The following LMNTD1 variants were observed in gnomAD, a reference collection of about 807,000 sequenced individuals.
LMNTD1 encodes the protein lamin tail domain-containing protein 1.
Under a neutral mutation model 50.9 loss-of-function variants are expected in LMNTD1, and 35 were observed. The ratio of observed to expected loss-of-function variants is 0.69; its 90% confidence interval spans 0.53 to 0.91. The LOEUF is 0.91. Ranked by LOEUF, LMNTD1 falls within the 40% of genes least tolerant of loss-of-function variation. LMNTD1 has a pLI of 0.00. For synonymous variants in LMNTD1, 153 were observed against 161.9 expected, an observed-to-expected ratio of 0.94 and a Z score of 0.42; for missense variants, 470 against 475.5, an observed-to-expected ratio of 0.99 and a Z score of 0.11.
Position 25,505,742 on chromosome 12 carries a change from G to A in LMNTD1, c.1190-1942C>T, listed in dbSNP as rs74070506. On this transcript the variant is annotated intron_variant, in intron 8 of 9. Coordinates refer to ENST00000458174, the MANE Select transcript of LMNTD1 (RefSeq NM_001145728.2). ...TTTTCTACTCAGTCTGATGATAAGT[G>A]GTCCAATACAGTAATGAGTTTTTTC... Among the ~76,000 whole-genome samples the A allele has an allele frequency of 3.3e-3, 499 of 152,146 alleles. 6 individuals are homozygous for A. Among genetic ancestry groups the A allele is most frequent in the African/African-American group, 0.012 (480 of 41,544 alleles).
At chr12:25,532,990 T>C (rs1942327905) in intron 4 of LMNTD1, among the ~76,000 whole-genome samples, 1 of 152,166 alleles carries the variant, frequency 6.6e-6, no homozygotes, top group Non-Finnish European at 1.5e-5. Context: ...TTTGTTATTA[T>C]ACATATAACT....
At chr12:25,516,776 C>A (rs1940811232) in intron 8 of LMNTD1, among the ~76,000 whole-genome samples, 2 of 151,572 alleles carry the variant, frequency 1.3e-5, no homozygotes, top group Admixed American at 6.6e-5. Flanking sequence ...AGGCAACCTA[C>A]AAAATGGGAG....
chr12:25,497,835 AT>A (rs1939150088), intron 9 of LMNTD1: 1 of 152,038 alleles, frequency 6.6e-6, no homozygotes, highest in African/African-American at 2.4e-5. Flanking sequence ...CCCTTGGCAT[AT>A]TTTTAAAAAT....
At chr12:25,608,802 G>T (rs1946178456) in intron 1 of LMNTD1, among the ~76,000 whole-genome samples, 1 of 152,032 alleles carries the variant, frequency 6.6e-6, no homozygotes, top group South Asian at 2.1e-4. Flanking sequence ...ATGTGTCTTG[G>T]GGTTGCTCTT....
chr12:25,489,016 C>T (rs1938775211), intron 9 of LMNTD1, among the ~76,000 whole-genome samples: 1 of 152,148 alleles, frequency 6.6e-6, no homozygotes, highest in East Asian at 1.9e-4. Context: ...CTGGGAGAAC[C>T]ACTGCTCTCT....
chr12:25,496,060 AC>A (rs903188892), intron 9 of LMNTD1, among the ~76,000 whole-genome samples: 17 of 152,216 alleles, frequency 1.1e-4, no homozygotes, highest in African/African-American at 4.1e-4. Context: ...AATAAGGAAA[AC>A]CCTTTGAGCT....
rs1437852880 is a variant in LMNTD1, at chr12:25,488,561, C to G, written c.*23-12101G>C. ...AAATTTTTTTCAAAGTTTTCAACTTCTTTGCCTTTGGTTTGAATGTCCTCC... is the reference window on the plus strand; with the variant it reads ...AAATTTTTTTCAAAGTTTTCAACTTGTTTGCCTTTGGTTTGAATGTCCTCC... On this transcript the variant is annotated intron_variant, in intron 9 of 9. Coordinates refer to ENST00000458174, the MANE Select transcript of LMNTD1 (RefSeq NM_001145728.2). 2.4e-3 allele frequency among the ~76,000 whole-genome samples: 360 copies of G among 148,870 alleles called. 1 individual carries two copies. Among genetic ancestry groups the G allele is most frequent in the African/African-American group, 8.5e-3 (343 of 40,306 alleles).
At position 25,487,008 on chromosome 12, in the gene LMNTD1, A is replaced by G. The variant is rs369848187; in HGVS notation, c.*23-10548T>C. On this transcript the variant is annotated intron_variant, in intron 9 of 9. Transcript: ENST00000458174. ...ACTGTGGTCTGAGAGACAGTTTGTT[A>G]TAATTTCTGTTCTTTTACATTTGCT... Among the ~76,000 whole-genome samples, 4 of 151,434 alleles carry G rather than the reference A, an allele frequency of 2.6e-5. No homozygotes were observed. The South Asian group carries it at 8.5e-4, about 32-fold the overall frequency.
At chr12:25,579,959 C>T (rs80156656) in intron 1 of LMNTD1, among the ~76,000 whole-genome samples, 95 of 152,214 alleles carry the variant, frequency 6.2e-4, no homozygotes, top group African/African-American at 2.3e-3. Flanking sequence ...TTCTCTGATA[C>T]CCAGAGAAGA....
chr12:25,516,368 A>C (rs1678553), intron 8 of LMNTD1, among the ~76,000 whole-genome samples: 1 of 152,058 alleles, frequency 6.6e-6, no homozygotes, highest in Non-Finnish European at 1.5e-5. Flanking sequence ...TAATCAAGAT[A>C]AGTTGCCACC....
chr12:25,507,342 T>A (rs1939873050), intron 8 of LMNTD1, among the ~76,000 whole-genome samples: 2 of 152,232 alleles, frequency 1.3e-5, no homozygotes, highest in Admixed American at 1.3e-4. Context: ...CCTAATTATC[T>A]TAAAAAATGT....
chr12:25,514,473 C>T (rs1176458864), intron 8 of LMNTD1, among the ~76,000 whole-genome samples: 1 of 151,392 alleles, frequency 6.6e-6, no homozygotes, highest in Non-Finnish European at 1.5e-5. Flanking sequence ...AACTCATGGA[C>T]ATACAGAGTA....
In LMNTD1 at chr12:25,537,568, T is replaced by A. The variant is rs547862955; in HGVS notation, c.491+8806A>T. Among the ~76,000 whole-genome samples, 514 of 151,804 alleles carry A rather than the reference T, an allele frequency of 3.4e-3. 7 individuals are homozygous for A. The highest frequency in any genetic ancestry group is 0.012 in the African/African-American group (494 of 41,380). On this transcript the variant is annotated intron_variant, in intron 4 of 9. Transcript: ENST00000458174. ...TAAGGACATCCACACCAAAAACCCA[T>A]CTGTACATCACCATCATCAAAGACC...
intron 1 of LMNTD1, among the ~76,000 whole-genome samples, chr12:25,586,439 C>A (rs16929101): frequency 0.06 from 9,062 of 152,186 alleles, 447 homozygotes; most frequent in African/African-American, 0.13. Flanking sequence ...ATTGGTCTTC[C>A]TCACTTCCAA....
At chr12:25,612,774 T>C (rs1051552846) in intron 1 of LMNTD1, among the ~76,000 whole-genome samples, 1 of 152,152 alleles carries the variant, frequency 6.6e-6, no homozygotes, top group Non-Finnish European at 1.5e-5. Context: ...ATAGGTTGAA[T>C]AATGGCCCCA....
chr12:25,644,501 C>A (rs540433676), intron 1 of LMNTD1, among the ~76,000 whole-genome samples: 1 of 151,412 alleles, frequency 6.6e-6, no homozygotes, highest in Non-Finnish European at 1.5e-5. Flanking sequence ...TACAAACAAA[C>A]GAACAACAAC....
intron 1 of LMNTD1, among the ~76,000 whole-genome samples, chr12:25,602,975 A>G (rs1393503299): frequency 1.3e-5 from 2 of 152,052 alleles, no homozygotes; most frequent in Non-Finnish European, 2.9e-5. Flanking sequence ...CAATTTGCCA[A>G]ACAGAAACCT....
intron 1 of LMNTD1, among the ~76,000 whole-genome samples, chr12:25,596,418 A>G (rs1945846875): frequency 6.6e-6 from 1 of 152,160 alleles, no homozygotes; most frequent in Admixed American, 6.5e-5. Flanking sequence ...GGGATGATTT[A>G]ACATTTGCAA....
chr12:25,551,592 T>C (rs937375719), intron 2 of LMNTD1, among the ~76,000 whole-genome samples: 2 of 152,214 alleles, frequency 1.3e-5, no homozygotes, highest in African/African-American at 2.4e-5. Flanking sequence ...GGTGTTGCTA[T>C]GTTGCCCGGG....
Sources: allele counts gnomAD v4.1 joint callset (sites outside exome capture counted in the v4.1 genomes callset), GRCh38; gene constraint gnomAD v4.1.1; transcripts MANE v1.5; gene names NCBI Gene and HGNC (gene_info 2026-07-23, HGNC 2026-07-21).